PDE4D: variants seen among roughly 807,000 people sequenced by gnomAD.
PDE4D encodes the protein 3',5'-cyclic-AMP phosphodiesterase 4D.
A neutral mutation model predicts 87.4 loss-of-function variants in PDE4D; 24 were observed. That is an observed-to-expected ratio of 0.27 (90% CI 0.20 to 0.39). The LOEUF (loss-of-function observed/expected upper bound fraction) is 0.39, where lower values mean the gene tolerates loss of function less well. PDE4D is among the 10% of genes least tolerant of loss of function. The pLI is 1.00. For missense variants in PDE4D, 714 were observed against 1,041.0 expected, an observed-to-expected ratio of 0.69 and a Z score of 4.32; for synonymous variants, 384 against 383.2, an observed-to-expected ratio of 1.00 and a Z score of -0.02.
chr5:58,999,580 G>T (rs1357799045), intron 6 of PDE4D: 2 of 1,189,218 alleles, frequency 1.7e-6, no homozygotes, highest in Non-Finnish European at 1.1e-6. Context: ...TATATATATA[G>T]TAAGCTCTAA....
intron 1 of PDE4D, among the ~76,000 whole-genome samples, chr5:59,352,756 T>C (rs1780725563): frequency 6.6e-6 from 1 of 152,210 alleles, no homozygotes; most frequent in South Asian, 2.1e-4. Flanking sequence ...ATTTGTACTT[T>C]TGTTTGTTGA....
intron 1 of PDE4D, among the ~76,000 whole-genome samples, chr5:59,741,483 T>C (rs929921437): frequency 2.0e-5 from 3 of 152,304 alleles, no homozygotes; most frequent in East Asian, 3.9e-4. Flanking sequence ...AATTGTACTA[T>C]TGACATTTTG....
intron 1 of PDE4D, among the ~76,000 whole-genome samples, chr5:59,449,389 T>C (rs921682789): frequency 2.6e-5 from 4 of 152,252 alleles, no homozygotes; most frequent in East Asian, 1.9e-4. Context: ...TAAGCAGATA[T>C]AGTTTTTCTC....
intron 1 of PDE4D, among the ~76,000 whole-genome samples, chr5:59,730,714 A>T (rs950877770): frequency 1.3e-5 from 2 of 152,094 alleles, no homozygotes; most frequent in Admixed American, 1.3e-4. Flanking sequence ...TCACAGAATC[A>T]CTTTAAAGAA....
chr5:59,610,099 G>A (rs1031941345), intron 1 of PDE4D, among the ~76,000 whole-genome samples: 1 of 152,152 alleles, frequency 6.6e-6, no homozygotes, highest in African/African-American at 2.4e-5. Context: ...GGTGTCTGCC[G>A]TTAGGCAATC....
rs549556367 is a variant in PDE4D at position 59,364,122 on chromosome 5, T to C, written c.456-148154A>G. On this transcript the variant is annotated intron_variant, in intron 1 of 14. Transcript: ENST00000340635. ...TGTTTTTGTTTTGTAACAGAATATA[T>C]AAAACTTAGGGTGCCATTTACTAGC... Among the ~76,000 whole-genome samples the C allele has an allele frequency of 2.6e-5, 4 of 152,332 alleles. No homozygotes were observed. The East Asian group carries it at 7.7e-4, about 29-fold the overall frequency.
intron 1 of PDE4D, among the ~76,000 whole-genome samples, chr5:60,400,895 T>C (rs1741023560): frequency 6.6e-6 from 1 of 152,170 alleles, no homozygotes; most frequent in African/African-American, 2.4e-5. Flanking sequence ...TCATGTGGTA[T>C]TGGGGGATAC....
intron 1 of PDE4D, among the ~76,000 whole-genome samples, chr5:59,366,501 T>A (rs140281216): frequency 6.6e-6 from 1 of 152,258 alleles, no homozygotes; most frequent in African/African-American, 2.4e-5. Context: ...AGGTAATATG[T>A]TTTTGGGATT....
At chr5:59,580,846 A>T (rs1017822287) in intron 1 of PDE4D, among the ~76,000 whole-genome samples, 2 of 152,202 alleles carry the variant, frequency 1.3e-5, no homozygotes, top group Non-Finnish European at 2.9e-5. Context: ...CCAGAAGCTG[A>T]ATTAGAAACC....
intron 1 of PDE4D, among the ~76,000 whole-genome samples, chr5:59,470,288 G>T (rs895705774): frequency 1.3e-5 from 2 of 151,106 alleles, no homozygotes; most frequent in Non-Finnish European, 2.9e-5. Context: ...CCAACAAACT[G>T]CTGGTAAGGA....
chr5:60,130,798 T>C (rs1437407063), intron 2 of PDE4D, among the ~76,000 whole-genome samples: 2 of 152,182 alleles, frequency 1.3e-5, no homozygotes, highest in Admixed American at 6.5e-5. Context: ...ATTTCAAAGA[T>C]GTAAAAGATA....
chr5:60,057,068 AAATAAAAGTCTTGAGTTCTTCT>A (rs1770856792), intron 2 of PDE4D, among the ~76,000 whole-genome samples: 1 of 152,098 alleles, frequency 6.6e-6, no homozygotes, highest in Admixed American at 6.6e-5. Flanking sequence ...ACATTAAGGC[AAATAAAAGTCTTGAGTTCTTCT>A]ATTGGCTCAG....
intron 1 of PDE4D, among the ~76,000 whole-genome samples, chr5:59,239,937 C>T (rs750648194): frequency 1.3e-5 from 2 of 152,170 alleles, no homozygotes; most frequent in Non-Finnish European, 2.9e-5. Flanking sequence ...ATAGTACATG[C>T]TCCGTAAATA....
chr5:60,204,908 G>A (rs1316037533), intron 1 of PDE4D, among the ~76,000 whole-genome samples: 1 of 152,162 alleles, frequency 6.6e-6, no homozygotes, highest in Non-Finnish European at 1.5e-5. Flanking sequence ...CAGCCTTTAA[G>A]GATTGATAGA....
intron 1 of PDE4D, among the ~76,000 whole-genome samples, chr5:59,385,150 T>C (rs568109978): frequency 6.6e-6 from 1 of 152,324 alleles, no homozygotes. Context: ...TCTGTACTTC[T>C]CAGCTAGTTG....
chr5:60,464,290 G>A (rs1048130683), intron 1 of PDE4D, among the ~76,000 whole-genome samples: 4 of 152,110 alleles, frequency 2.6e-5, no homozygotes, highest in Admixed American at 2.6e-4. Flanking sequence ...TTTTACAAAT[G>A]GTATAGTGTG....
intron 1 of PDE4D, among the ~76,000 whole-genome samples, chr5:59,409,547 T>C (rs1392034654): frequency 6.6e-6 from 1 of 152,134 alleles, no homozygotes; most frequent in Non-Finnish European, 1.5e-5. Context: ...CTCTGAGATC[T>C]AGTTGTTTAA....
At chr5:59,282,047 T>A (rs1282597843) in intron 1 of PDE4D, among the ~76,000 whole-genome samples, 1 of 152,182 alleles carries the variant, frequency 6.6e-6, no homozygotes, top group Non-Finnish European at 1.5e-5. Context: ...TGTGTGTTTT[T>A]AAAAATTATT....
At chr5:60,155,840 A>C (rs1285223814) in intron 2 of PDE4D, among the ~76,000 whole-genome samples, 1 of 152,188 alleles carries the variant, frequency 6.6e-6, no homozygotes, top group Non-Finnish European at 1.5e-5. Context: ...AACCTATTAC[A>C]ATAGTTCACA....
Sources: allele counts gnomAD v4.1 joint callset (sites outside exome capture counted in the v4.1 genomes callset), GRCh38; gene constraint gnomAD v4.1.1; transcripts MANE v1.5; gene names NCBI Gene and HGNC (gene_info 2026-07-23, HGNC 2026-07-21).